PCDH11X: variants seen among roughly 807,000 people sequenced by gnomAD.
PCDH11X encodes the protein protocadherin 11 X-linked.
A neutral mutation model predicts 53.3 loss-of-function variants in PCDH11X; 18 were observed. The ratio of observed to expected loss-of-function variants is 0.34; its 90% confidence interval spans 0.23 to 0.50. PCDH11X has a LOEUF of 0.50. Among genes scored for constraint, PCDH11X ranks in the 20% least tolerant of loss-of-function variants. PCDH11X has a pLI of 0.98. For synonymous variants in PCDH11X, 279 were observed against 393.3 expected, an observed-to-expected ratio of 0.71 and a Z score of 3.44; for missense variants, 570 against 1,032.4, an observed-to-expected ratio of 0.55 and a Z score of 6.14.
At chrX:92,433,178 C>G (rs904238890) in intron 9 of PCDH11X, among the ~76,000 whole-genome samples, 10 of 111,178 alleles carry the variant, frequency 9.0e-5, no homozygotes, top group Non-Finnish European at 1.5e-4. Context: ...CTACTAGGGA[C>G]TATAAGTCAA....
At chrX:91,803,489 T>C in intron 1 of PCDH11X, among the ~76,000 whole-genome samples, 1 of 111,603 alleles carries the variant, frequency 9.0e-6, no homozygotes, top group Non-Finnish European at 1.9e-5. Context: ...AAGTGAAAAA[T>C]AAACATATTT....
chrX:92,269,166 C>A (rs1435584113), intron 8 of PCDH11X, among the ~76,000 whole-genome samples: 1 of 111,459 alleles, frequency 9.0e-6, no homozygotes, highest in Non-Finnish European at 1.9e-5. Flanking sequence ...CAGTCCCTCT[C>A]CATTTTACCC....
rs1305589410 is a variant in PCDH11X at position 92,249,877 on chromosome X, C to T, written c.3115-13237C>T. 3.6e-5 allele frequency among the ~76,000 whole-genome samples: 4 copies of T among 111,597 alleles called. No homozygotes were observed. In the Admixed American group the frequency reaches 3.8e-4, roughly 11 times the overall value. Reference sequence around the variant, plus strand: ...AGACTCAATCAAATACTCCTAATTTCCTTAGTCCTTGTCCGGTAACTGCAA... The same window carrying T: ...AGACTCAATCAAATACTCCTAATTTTCTTAGTCCTTGTCCGGTAACTGCAA... On this transcript the variant is annotated intron_variant, in intron 7 of 10. Coordinates refer to ENST00000682573, the MANE Select transcript of PCDH11X (RefSeq NM_032968.5).
intron 8 of PCDH11X, among the ~76,000 whole-genome samples, chrX:92,359,204 AT>A (rs1273550255): frequency 9.4e-6 from 1 of 106,505 alleles, no homozygotes; most frequent in Non-Finnish European, 1.9e-5. Context: ...TTATCTTCAT[AT>A]TTTGGAGTGT....
chrX:92,271,414 G>A (rs1177845333), intron 8 of PCDH11X, among the ~76,000 whole-genome samples: 2 of 111,834 alleles, frequency 1.8e-5, no homozygotes, highest in Non-Finnish European at 3.8e-5. Flanking sequence ...AGAAAGGGAC[G>A]AAGGGGTTTA....
At chrX:92,000,520 A>T (rs913103937) in intron 6 of PCDH11X, among the ~76,000 whole-genome samples, 2 of 104,898 alleles carry the variant, frequency 1.9e-5, no homozygotes, top group Non-Finnish European at 3.9e-5. Context: ...TGAAATAAGG[A>T]TGTCATAGAG....
chrX:92,332,284 T>C (rs1405933339), intron 8 of PCDH11X, among the ~76,000 whole-genome samples: 1 of 111,770 alleles, frequency 8.9e-6, no homozygotes, highest in African/African-American at 3.3e-5. Context: ...CTTTTGACAA[T>C]AGCTTTTATT....
At chrX:91,804,728 T>G in intron 1 of PCDH11X, among the ~76,000 whole-genome samples, 1 of 111,223 alleles carries the variant, frequency 9.0e-6, no homozygotes. Context: ...TATGAAAGTT[T>G]AAAAATGGTT....
chrX:91,888,091 A>G (rs1940315435), intron 6 of PCDH11X, among the ~76,000 whole-genome samples: 1 of 112,041 alleles, frequency 8.9e-6, no homozygotes, highest in South Asian at 3.6e-4. Flanking sequence ...TTCCTTTTGA[A>G]ATAGTTAATT....
chrX:92,245,548 G>A (rs1422729103), intron 7 of PCDH11X, among the ~76,000 whole-genome samples: 2 of 112,532 alleles, frequency 1.8e-5, no homozygotes, highest in Non-Finnish European at 3.8e-5. Flanking sequence ...ACAAAGATGA[G>A]TATGTCTATT....
At chrX:92,262,911 C>A (rs2067748139) in intron 7 of PCDH11X, 1 of 397,394 alleles carries the variant, frequency 2.5e-6, no homozygotes. Flanking sequence ...CTGTTATATC[C>A]CTTTACTCAA....
intron 9 of PCDH11X, among the ~76,000 whole-genome samples, chrX:92,462,647 A>G (rs2073074106): frequency 9.1e-6 from 1 of 109,788 alleles, no homozygotes; most frequent in Admixed American, 9.8e-5. Flanking sequence ...TAAAATTTGT[A>G]TATTATCATA....
At position 91,879,024 on chromosome X, in the gene PCDH11X, C is replaced by T. The variant is rs760019764; in HGVS notation, c.2784C>T (p.Phe928=). The T allele has an allele frequency of 1.2e-5, 14 of 1,209,329 alleles. No individual in the cohort carries two copies. The highest frequency in any genetic ancestry group is 3.5e-5 in the African/African-American group (2 of 56,933). Residue 928 remains phenylalanine, a synonymous_variant, in exon 6 of 11, where the codon TTC becomes TTT. Coordinates refer to ENST00000682573, the MANE Select transcript of PCDH11X (RefSeq NM_032968.5). ...ATTGGGTAACTACACCTACTACTTT[C>T]AAGCCCGACAGCCCTGATTTGGCCC... The part of the protein sequence containing the change: ...KYNWVTTPTT[F]KPDSPDLARH...
chrX:92,041,976 C>CA (rs1385123637), intron 6 of PCDH11X, among the ~76,000 whole-genome samples: 1 of 111,459 alleles, frequency 9.0e-6, no homozygotes, highest in African/African-American at 3.3e-5. Flanking sequence ...CTCAAAAAAA[C>CA]AAAAAAATAG....
At chrX:92,513,383 A>T (rs1358555673) in intron 10 of PCDH11X, among the ~76,000 whole-genome samples, 1 of 108,757 alleles carries the variant, frequency 9.2e-6, no homozygotes. Context: ...AATAATGAAG[A>T]AACTTTGGAA....
At chrX:91,999,753 C>A (rs1256539617) in intron 6 of PCDH11X, among the ~76,000 whole-genome samples, 3 of 109,091 alleles carry the variant, frequency 2.8e-5, no homozygotes, top group African/African-American at 1.0e-4. Context: ...AATAACTAAT[C>A]TCATTGCTGG....
intron 6 of PCDH11X, among the ~76,000 whole-genome samples, chrX:92,116,440 T>C (rs2064639886): frequency 8.9e-6 from 1 of 112,444 alleles, no homozygotes; most frequent in Admixed American, 9.4e-5. Context: ...TTAATAGCGT[T>C]GGAGGCCAAA....
intron 1 of PCDH11X, among the ~76,000 whole-genome samples, chrX:91,795,098 G>C (rs1377421949): frequency 9.0e-6 from 1 of 110,901 alleles, no homozygotes; most frequent in Non-Finnish European, 1.9e-5. Context: ...CCAGTCTTGG[G>C]TATATCTTTA....
At chrX:92,037,999 T>C (rs2063154121) in intron 6 of PCDH11X, among the ~76,000 whole-genome samples, 1 of 108,812 alleles carries the variant, frequency 9.2e-6, no homozygotes, top group Non-Finnish European at 1.9e-5. Context: ...TCCTATTCTG[T>C]AGGTTGCCTG....
Sources: gnomAD v4.1 joint callset for allele counts (sites outside exome capture counted in the v4.1 genomes callset) on GRCh38, gnomAD v4.1.1 for gene constraint, MANE v1.5 for transcripts, NCBI Gene and HGNC (gene_info 2026-07-23, HGNC 2026-07-21) for gene names.